Variants in SECISBP2L observed in about 807,000 individuals in gnomAD.
The protein encoded by SECISBP2L is selenocysteine insertion sequence-binding protein 2-like.
Under a neutral mutation model 114.7 loss-of-function variants are expected in SECISBP2L, and 43 were observed. The observed-to-expected ratio is 0.38, with a 90% CI of 0.29 to 0.48. The LOEUF is 0.48. SECISBP2L is among the 20% of genes least tolerant of loss of function. The pLI is 0.98. For synonymous variants in SECISBP2L, 451 were observed against 439.7 expected, an observed-to-expected ratio of 1.03 and a Z score of -0.32; for missense variants, 1,136 against 1,301.1, an observed-to-expected ratio of 0.87 and a Z score of 1.95.
intron 14 of SECISBP2L, among the ~76,000 whole-genome samples, chr15:49,006,302 A>G (rs954831696): frequency 3.3e-5 from 5 of 152,134 alleles, no homozygotes; most frequent in African/African-American, 4.8e-5. Context: ...CTGTCCTGCT[A>G]GGTTGGGGAA....
chr15:48,992,865 T>A lies in SECISBP2L; in HGVS notation c.2685A>T (p.Lys895Asn). Residue 895 changes from lysine (K) to asparagine (N), a missense_variant, in exon 18 of 18, where the codon AAA (lysine) becomes AAT (asparagine). This residue lies in a region of SECISBP2L where 684 missense variants were observed against 848.7 expected (regional missense o/e 0.81). Coordinates refer to ENST00000559471, the MANE Select transcript of SECISBP2L (RefSeq NM_001193489.2). ...AAGTGCTGTGCTTACAGGATACCTCTTTCTCATTTTCTGATGCTTCCAGTC... is the reference window on the plus strand; with the variant it reads ...AAGTGCTGTGCTTACAGGATACCTCATTCTCATTTTCTGATGCTTCCAGTC... ...SDGLEASENE[K>N]EVSCKHSTSE... The A allele has an allele frequency of 6.2e-7, 1 of 1,614,188 alleles. No individual in the cohort carries two copies. The highest frequency in any genetic ancestry group is 8.5e-7 in the Non-Finnish European group (1 of 1,180,030).
chr15:49,036,121 C>T (rs1903000767), intron 2 of SECISBP2L, among the ~76,000 whole-genome samples: 2 of 152,180 alleles, frequency 1.3e-5, no homozygotes, highest in South Asian at 4.1e-4. Context: ...AGCTCAATCT[C>T]AGAGCCTCCT....
Position 48,992,262 on chromosome 15 carries a change from G to A in SECISBP2L, c.3288C>T (p.Tyr1096=), listed in dbSNP as rs1480143053. 1.2e-6 allele frequency: 2 copies of A among 1,605,966 alleles called. No homozygotes were observed. Among genetic ancestry groups the A allele is most frequent in the Non-Finnish European group, 8.5e-7 (1 of 1,175,454 alleles). ...TCCTGAGTTACGTAGTTTGCGTTGT[G>A]TAATTAGAATCAGAGTGCTCTTTGT... The part of the protein sequence containing the change: ...SLNKEHSDSN[Y]TTQTT The change falls in exon 18 of 18, where the codon TAC becomes TAT. Residue 1096 remains tyrosine, a synonymous_variant. Transcript: ENST00000559471.
At chr15:49,046,011 A>G (rs1397119418) in intron 1 of SECISBP2L, among the ~76,000 whole-genome samples, 2 of 152,192 alleles carry the variant, frequency 1.3e-5, no homozygotes, top group African/African-American at 4.8e-5. Context: ...GACAACTTGG[A>G]GCCTTCTGAC....
At chr15:49,012,076 A>T (rs1252914922) in intron 12 of SECISBP2L, among the ~76,000 whole-genome samples, 2 of 152,178 alleles carry the variant, frequency 1.3e-5, no homozygotes, top group Non-Finnish European at 1.5e-5. Flanking sequence ...GTTATAGAAT[A>T]TACAGCTATC....
At chr15:49,030,868 C>T (rs1902869788) in intron 4 of SECISBP2L, among the ~76,000 whole-genome samples, 1 of 152,076 alleles carries the variant, frequency 6.6e-6, no homozygotes, top group Non-Finnish European at 1.5e-5. Flanking sequence ...ATTAAGATGG[C>T]TTTACAAGTT....
chr15:49,034,572 G>A (rs1057219592), intron 3 of SECISBP2L, among the ~76,000 whole-genome samples: 8 of 151,504 alleles, frequency 5.3e-5, no homozygotes, highest in African/African-American at 1.9e-4. Context: ...AAAATTCACA[G>A]AGTAGAAACA....
chr15:49,039,997 C>T (rs1903091125), intron 1 of SECISBP2L, among the ~76,000 whole-genome samples: 1 of 151,952 alleles, frequency 6.6e-6, no homozygotes, highest in African/African-American at 2.4e-5. Flanking sequence ...TAAAATAACA[C>T]TTTTTCTGAC....
chr15:49,037,090 T>C (rs748849380), intron 2 of SECISBP2L, among the ~76,000 whole-genome samples: 9 of 152,016 alleles, frequency 5.9e-5, no homozygotes, highest in Admixed American at 1.3e-4. Context: ...CATGACCTAA[T>C]TGCGGGCAAT....
intron 1 of SECISBP2L, among the ~76,000 whole-genome samples, chr15:49,041,219 T>A (rs539594900): frequency 1.3e-5 from 2 of 152,342 alleles, no homozygotes; most frequent in Non-Finnish European, 2.9e-5. Flanking sequence ...ACTATCTTCA[T>A]CTTTCAGAAA....
intron 1 of SECISBP2L, 21 bp downstream of exon 1, chr15:49,046,255 G>A (rs1903247784): frequency 4.5e-6 from 7 of 1,566,188 alleles, no homozygotes; most frequent in Middle Eastern, 2.0e-4. Context: ...GGCTCGGCGG[G>A]CCCAGCCCAA....
At chr15:48,993,052 A>G (rs1902017752) in intron 17 of SECISBP2L, 126 bp from the exon 18 acceptor site, 1 of 791,430 alleles carries the variant, frequency 1.3e-6, no homozygotes, top group Admixed American at 2.7e-5. Context: ...AACTGACTGG[A>G]AAAACTACAA....
intron 7 of SECISBP2L, among the ~76,000 whole-genome samples, chr15:49,021,602 G>C (rs1902640679): frequency 6.6e-6 from 1 of 152,206 alleles, no homozygotes; most frequent in African/African-American, 2.4e-5. Flanking sequence ...AAGTCAAACA[G>C]ATGCACACAA....
In SECISBP2L at chr15:49,035,476, G is replaced by T; in HGVS notation, c.386C>A (p.Pro129His). The T allele has an allele frequency of 4.3e-6, 7 of 1,614,152 alleles. No homozygotes were observed. The highest frequency in any genetic ancestry group is 1.1e-5 in the South Asian group (1 of 91,084). Reference sequence around the variant, plus strand: ...TGCAGCCTGAAAGGTGTTGGAGTAAGGTGTAGGAAAAGGATGATAGAAACC... The same window carrying T: ...TGCAGCCTGAAAGGTGTTGGAGTAATGTGTAGGAAAAGGATGATAGAAACC... ...VMGFYHPFPT[P>H]YSNTFQAANT... Residue 129 changes from proline to histidine, a missense_variant, in exon 3 of 18, where the codon CCT becomes CAT. This residue lies in a region of SECISBP2L where 452 missense variants were observed against 452.3 expected (regional missense o/e 1.00). Transcript: ENST00000559471.
At chr15:49,002,161 G>A (rs186448476) in intron 14 of SECISBP2L, among the ~76,000 whole-genome samples, 1 of 152,342 alleles carries the variant, frequency 6.6e-6, no homozygotes, top group Non-Finnish European at 1.5e-5. Context: ...TAACTGGCAT[G>A]AGATGGTATC....
Position 49,011,798 on chromosome 15 carries a change from G to T in SECISBP2L, c.1797C>A (p.Ser599=). Residue 599 remains serine (S), a synonymous_variant, in exon 13 of 18, where the codon TCC becomes TCA. Transcript: ENST00000559471. Reference sequence around the variant, plus strand: ...CTAAGTGCATTTCTGTTGGTTCCTCGGATCCCAAAAGATTGTGGTCCACAG... The same window carrying T: ...CTAAGTGCATTTCTGTTGGTTCCTCTGATCCCAAAAGATTGTGGTCCACAG... ...RLTVDHNLLG[S]EEPTEMHLDF... The T allele has an allele frequency of 2.5e-6, 4 of 1,613,976 alleles. No individual in the cohort carries two copies. The highest frequency in any genetic ancestry group is 3.4e-6 in the Non-Finnish European group (4 of 1,179,938).
chr15:49,022,600 T>C (rs1902663295), intron 7 of SECISBP2L, among the ~76,000 whole-genome samples: 1 of 151,914 alleles, frequency 6.6e-6, no homozygotes, highest in African/African-American at 2.4e-5. Flanking sequence ...AGACTCCGTC[T>C]CAAAAAAAAG....
intron 1 of SECISBP2L, among the ~76,000 whole-genome samples, chr15:49,043,345 T>G (rs1471998730): frequency 2.6e-5 from 4 of 152,172 alleles, no homozygotes; most frequent in Non-Finnish European, 5.9e-5. Context: ...ACGTATTCAT[T>G]AGTTTTTCCA....
chr15:49,034,860 C>T (rs1285395938), intron 3 of SECISBP2L, among the ~76,000 whole-genome samples: 3 of 151,938 alleles, frequency 2.0e-5, no homozygotes, highest in Non-Finnish European at 2.9e-5. Context: ...GATGGGGTTT[C>T]GCATGTTGCC....
Sources: gnomAD v4.1 joint callset for allele counts (sites outside exome capture counted in the v4.1 genomes callset) on GRCh38, gnomAD v4.1.1 for gene constraint, gnomAD v4.1.1 regional missense constraint, MANE v1.5 for transcripts, NCBI Gene and HGNC (gene_info 2026-07-23, HGNC 2026-07-21) for gene names.